The following PABPC4L variants were observed in gnomAD, a reference collection of about 807,000 sequenced individuals.
PABPC4L encodes the protein poly(A) binding protein cytoplasmic 4 like.
For synonymous variants in PABPC4L, 169 were observed against 164.1 expected (o/e 1.03, Z -0.23); for missense variants, 452 against 451.4 (o/e 1.00, Z -0.01).
chr4:134,186,107 C>G, the PABPC4L span, among the ~76,000 whole-genome samples: 1 of 152,174 alleles, frequency 6.6e-6, no homozygotes, highest in African/African-American at 2.4e-5. Flanking sequence ...AATGGCCATA[C>G]TGTCCAAGGT....
the PABPC4L span, among the ~76,000 whole-genome samples, chr4:134,139,685 T>C: frequency 7.7e-6 from 1 of 129,478 alleles, no homozygotes; most frequent in East Asian, 3.6e-4. Flanking sequence ...ACATTCATTC[T>C]TTTATTTTTT....
At chr4:134,177,377 T>A in the PABPC4L span, among the ~76,000 whole-genome samples, 3 of 151,948 alleles carry the variant, frequency 2.0e-5, no homozygotes, top group Non-Finnish European at 2.9e-5. Flanking sequence ...GGTTTCACCA[T>A]ATTGGCCAGG....
the PABPC4L span, among the ~76,000 whole-genome samples, chr4:134,078,639 TAA>T: frequency 2.2e-5 from 3 of 138,050 alleles, no homozygotes; most frequent in African/African-American, 8.3e-5. Context: ...AGCATAGAGA[TAA>T]GTTTTGTAGC....
chr4:133,962,516 A>G, the PABPC4L span, among the ~76,000 whole-genome samples: 1 of 152,246 alleles, frequency 6.6e-6, no homozygotes, highest in Non-Finnish European at 1.5e-5. Context: ...ATAGAATTCA[A>G]CAAGTAGAAA....
downstream of PABPC4L, among the ~76,000 whole-genome samples, chr4:134,192,908 T>C (rs778761724): frequency 6.6e-6 from 1 of 152,104 alleles, no homozygotes; most frequent in Non-Finnish European, 1.5e-5. Flanking sequence ...GTACAGGTAA[T>C]GTTCTATTTC....
chr4:134,180,121 TA>T, the PABPC4L span, among the ~76,000 whole-genome samples: 1 of 114,664 alleles, frequency 8.7e-6, no homozygotes, highest in African/African-American at 4.2e-5. Flanking sequence ...GCACATACTG[TA>T]AAATTGTCCA....
At chr4:134,163,957 A>C in the PABPC4L span, among the ~76,000 whole-genome samples, 1 of 152,092 alleles carries the variant, frequency 6.6e-6, no homozygotes, top group African/African-American at 2.4e-5. Flanking sequence ...CACTTTTACC[A>C]CTTCTGTTAA....
the PABPC4L span, among the ~76,000 whole-genome samples, chr4:133,964,526 T>C: frequency 2.6e-5 from 4 of 151,772 alleles, no homozygotes; most frequent in Non-Finnish European, 4.4e-5. Flanking sequence ...AAAAGAAAAT[T>C]ACAAACCCAT....
At chr4:134,030,103 C>T in the PABPC4L span, among the ~76,000 whole-genome samples, 23 of 152,064 alleles carry the variant, frequency 1.5e-4, no homozygotes, top group Admixed American at 5.3e-4. Flanking sequence ...GATTAAACTT[C>T]CTTTCCTTAT....
At chr4:134,072,165 C>T in the PABPC4L span, among the ~76,000 whole-genome samples, 4 of 152,096 alleles carry the variant, frequency 2.6e-5, no homozygotes, top group Admixed American at 2.6e-4. Context: ...CACAAAATGC[C>T]TTCAGCTTCC....
the PABPC4L span, among the ~76,000 whole-genome samples, chr4:134,141,168 G>A: frequency 6.6e-6 from 1 of 151,476 alleles, no homozygotes; most frequent in East Asian, 1.9e-4. Flanking sequence ...CTGAAAATAG[G>A]CAATTATGAA....
the PABPC4L span, among the ~76,000 whole-genome samples, chr4:133,997,754 A>T: frequency 6.6e-6 from 1 of 152,182 alleles, no homozygotes; most frequent in Non-Finnish European, 1.5e-5. Flanking sequence ...TGGAAACAAC[A>T]AGAGAACTGA....
chr4:134,132,237 T>C, the PABPC4L span, among the ~76,000 whole-genome samples: 1 of 151,942 alleles, frequency 6.6e-6, no homozygotes, highest in East Asian at 1.9e-4. Context: ...CCTCAAAAGA[T>C]TCTACACAAC....
the PABPC4L span, among the ~76,000 whole-genome samples, chr4:134,151,189 G>C: frequency 6.6e-6 from 1 of 152,064 alleles, no homozygotes; most frequent in Non-Finnish European, 1.5e-5. Flanking sequence ...GCAATCCCTT[G>C]TTCTTGACCT....
the PABPC4L span, among the ~76,000 whole-genome samples, chr4:134,064,495 A>G: frequency 3.3e-5 from 5 of 152,220 alleles, no homozygotes; most frequent in East Asian, 9.6e-4. Context: ...AATACAAATA[A>G]TTTAAATGTG....
the PABPC4L span, among the ~76,000 whole-genome samples, chr4:134,133,644 GCAATGGCATAAGAATGATA>G: frequency 6.6e-6 from 1 of 151,512 alleles, no homozygotes; most frequent in Non-Finnish European, 1.5e-5. Flanking sequence ...CTATGAGGAC[GCAATGGCATAAGAATGATA>G]CAATGGACTT....
chr4:134,140,316 C>T, the PABPC4L span, among the ~76,000 whole-genome samples: 1 of 151,448 alleles, frequency 6.6e-6, no homozygotes, highest in South Asian at 2.1e-4. Context: ...ATACATATAT[C>T]AAAACATCAT....
the PABPC4L span, among the ~76,000 whole-genome samples, chr4:134,000,899 G>T: frequency 6.6e-6 from 1 of 152,044 alleles, no homozygotes; most frequent in Non-Finnish European, 1.5e-5. Flanking sequence ...CGGTTTTCCT[G>T]GGTCTCCAGC....
At chr4:134,077,948 A>C in the PABPC4L span, among the ~76,000 whole-genome samples, 1 of 152,134 alleles carries the variant, frequency 6.6e-6, no homozygotes, top group Non-Finnish European at 1.5e-5. Flanking sequence ...GGGGAAAACC[A>C]ACCACCCCAC....
Sources: allele counts gnomAD v4.1 joint callset (sites outside exome capture counted in the v4.1 genomes callset), GRCh38; gene constraint gnomAD v4.1.1; transcripts MANE v1.5; gene names NCBI Gene and HGNC (gene_info 2026-07-23, HGNC 2026-07-21).